MAPK10: variants seen among roughly 807,000 people sequenced by gnomAD.
The protein encoded by MAPK10 is mitogen-activated protein kinase 10, also known as JNK3 alpha protein kinase.
A neutral mutation model predicts 59.3 loss-of-function variants in MAPK10; 25 were observed. The observed-to-expected ratio is 0.42, with a 90% CI of 0.31 to 0.59. The LOEUF (loss-of-function observed/expected upper bound fraction) is 0.59, where lower values mean the gene tolerates loss of function less well. Ranked by LOEUF, MAPK10 falls within the 20% of genes least tolerant of loss-of-function variation. The pLI, the probability that MAPK10 is intolerant of heterozygous loss-of-function variation, is 0.15. For synonymous variants in MAPK10, 190 were observed against 200.5 expected (o/e 0.95, Z 0.44); for missense variants, 351 against 568.9 (o/e 0.62, Z 3.90).
At chr4:86,132,604 G>A (rs2061213187) in intron 4 of MAPK10, among the ~76,000 whole-genome samples, 1 of 152,172 alleles carries the variant, frequency 6.6e-6, no homozygotes, top group South Asian at 2.1e-4. Context: ...CACAGTAGGA[G>A]GTGAGCTGTG....
intron 1 of MAPK10, among the ~76,000 whole-genome samples, chr4:86,460,602 CA>C (rs569106955): frequency 0.01 from 1,530 of 152,344 alleles, 6 homozygotes; most frequent in Non-Finnish European, 0.014. Flanking sequence ...AGCACTGTGA[CA>C]TGCTCATGAT....
intron 1 of MAPK10, among the ~76,000 whole-genome samples, chr4:86,580,899 G>C (rs1435538723): frequency 3.3e-5 from 5 of 152,166 alleles, no homozygotes; most frequent in Non-Finnish European, 7.3e-5. Context: ...ACTTCCTGCG[G>C]ATAAACAGCC....
At chr4:86,564,225 T>G (rs992269256) in intron 1 of MAPK10, among the ~76,000 whole-genome samples, 2 of 152,208 alleles carry the variant, frequency 1.3e-5, no homozygotes, top group Admixed American at 1.3e-4. Context: ...AAAGCAAAAC[T>G]ATTGATAAGA....
intron 4 of MAPK10, among the ~76,000 whole-genome samples, chr4:86,115,304 CCATG>C (rs1309140556): frequency 6.6e-6 from 1 of 152,188 alleles, no homozygotes; most frequent in Non-Finnish European, 1.5e-5. Flanking sequence ...TCCCCTTATC[CCATG>C]CAGCTCCCGG....
chr4:86,507,182 A>C (rs1755804589), intron 1 of MAPK10, among the ~76,000 whole-genome samples: 1 of 152,162 alleles, frequency 6.6e-6, no homozygotes, highest in African/African-American at 2.4e-5. Flanking sequence ...ATAGATTAAA[A>C]GATATGAAAA....
chr4:86,385,076 A>G (rs1025854751), intron 1 of MAPK10, among the ~76,000 whole-genome samples: 2 of 152,124 alleles, frequency 1.3e-5, no homozygotes, highest in South Asian at 2.1e-4. Context: ...TGAGGATGTT[A>G]AAAGTACAGA....
chr4:86,081,599 G>T (rs1290299002), intron 9 of MAPK10: 1 of 151,982 alleles, frequency 6.6e-6, no homozygotes, highest in Non-Finnish European at 1.5e-5. Flanking sequence ...CACAGGAAAA[G>T]ATCCTTAGCC....
At chr4:86,223,219 C>CT in intron 2 of MAPK10, among the ~76,000 whole-genome samples, 1 of 152,156 alleles carries the variant, frequency 6.6e-6, no homozygotes, top group African/African-American at 2.4e-5. Flanking sequence ...ATGAGGCCCC[C>CT]TTTTACAACA....
chr4:86,107,587 A>T, intron 4 of MAPK10: 1 of 1,143,046 alleles, frequency 8.7e-7, no homozygotes, highest in Non-Finnish European at 1.1e-6. Context: ...AAACAGGAGA[A>T]GGGGGGAAGG....
At chr4:86,414,158 C>T (rs1239814184) in intron 1 of MAPK10, among the ~76,000 whole-genome samples, 1 of 152,058 alleles carries the variant, frequency 6.6e-6, no homozygotes, top group Non-Finnish European at 1.5e-5. Context: ...GGTAATCATC[C>T]TAACAACCAT....
chr4:86,345,007 C>T (rs1340981381), intron 2 of MAPK10, among the ~76,000 whole-genome samples: 5 of 152,174 alleles, frequency 3.3e-5, no homozygotes, highest in Admixed American at 3.3e-4. Context: ...CATAAACTAT[C>T]TTCCTTATGT....
chr4:86,030,954 C>T (rs1285565556), intron 12 of MAPK10, among the ~76,000 whole-genome samples: 3 of 150,062 alleles, frequency 2.0e-5, no homozygotes, highest in East Asian at 3.9e-4. Context: ...CATATATTGA[C>T]TATCTTTTAT....
intron 2 of MAPK10, among the ~76,000 whole-genome samples, chr4:86,261,813 G>T (rs1432289545): frequency 6.6e-6 from 1 of 152,208 alleles, no homozygotes; most frequent in Non-Finnish European, 1.5e-5. Flanking sequence ...TTTCACAGCT[G>T]CTCTGAGAAT....
chr4:86,452,083 CAG>C (rs1750787989), intron 1 of MAPK10, among the ~76,000 whole-genome samples: 1 of 152,158 alleles, frequency 6.6e-6, no homozygotes, highest in African/African-American at 2.4e-5. Flanking sequence ...TGATAAGTGT[CAG>C]AGTCAGGATT....
chr4:86,302,052 C>T (rs1007462600), intron 2 of MAPK10, among the ~76,000 whole-genome samples: 2 of 151,656 alleles, frequency 1.3e-5, no homozygotes, highest in Admixed American at 6.6e-5. Flanking sequence ...AATCCAGTTG[C>T]AATTTTATTT....
chr4:86,563,272 G>C (rs1267134197), intron 1 of MAPK10, among the ~76,000 whole-genome samples: 1 of 152,084 alleles, frequency 6.6e-6, no homozygotes, highest in Admixed American at 6.5e-5. Flanking sequence ...ATAGTATCTT[G>C]ATTTATAGTT....
intron 1 of MAPK10, among the ~76,000 whole-genome samples, chr4:86,525,120 A>C (rs1757382957): frequency 6.6e-6 from 1 of 151,986 alleles, no homozygotes; most frequent in Admixed American, 6.6e-5. Context: ...ACATGGCGAA[A>C]CCCCGTCTCC....
intron 1 of MAPK10, among the ~76,000 whole-genome samples, chr4:86,513,535 T>C (rs4472106): frequency 0.013 from 1,934 of 152,278 alleles, 12 homozygotes; most frequent in African/African-American, 0.015. Flanking sequence ...CTGGGTATAT[T>C]CCTCTGGGAA....
chr4:86,205,961 A>C (rs2083762161), intron 2 of MAPK10, among the ~76,000 whole-genome samples: 1 of 152,032 alleles, frequency 6.6e-6, no homozygotes, highest in African/African-American at 2.4e-5. Context: ...TACCCTGCAA[A>C]TGAAATGAAA....
Sources: gnomAD v4.1 joint callset for allele counts (sites outside exome capture counted in the v4.1 genomes callset) on GRCh38, gnomAD v4.1.1 for gene constraint, MANE v1.5 for transcripts, NCBI Gene and HGNC (gene_info 2026-07-23, HGNC 2026-07-21) for gene names.